The following NR3C2 variants were observed in gnomAD, a reference collection of about 807,000 sequenced individuals.
NR3C2 encodes the protein nuclear receptor subfamily 3 group C member 2.
A neutral mutation model predicts 86.4 loss-of-function variants in NR3C2; 15 were observed. The observed-to-expected ratio is 0.17, with a 90% CI of 0.12 to 0.27. NR3C2 has a LOEUF of 0.27. Ranked by LOEUF, NR3C2 falls within the 10% of genes least tolerant of loss-of-function variation. NR3C2 has a pLI of 1.00. For missense variants in NR3C2, 960 were observed against 1,195.6 expected (o/e 0.80, Z 2.91); for synonymous variants, 458 against 450.5 (o/e 1.02, Z -0.21).
chr4:148,360,002 C>G (rs1745761147), intron 2 of NR3C2, among the ~76,000 whole-genome samples: 1 of 152,040 alleles, frequency 6.6e-6, no homozygotes, highest in Non-Finnish European at 1.5e-5. Flanking sequence ...TTGTTTCCTT[C>G]TAAACAGGAA....
chr4:148,090,032 T>G (rs1730988547), intron 8 of NR3C2, among the ~76,000 whole-genome samples: 1 of 152,224 alleles, frequency 6.6e-6, no homozygotes, highest in Non-Finnish European at 1.5e-5. Context: ...TTTCTAGAAT[T>G]AAGCCTTGTT....
rs538671080 is a variant in NR3C2, at chr4:148,409,222, T to G, written c.1757+25882A>C. ...TGCATTCTCATTTATAAAAGCAAAC[T>G]ATTCTAAAAATTTTGTCAATATGAA... On this transcript the variant is annotated intron_variant, in intron 2 of 8. Transcript: ENST00000358102. Among the ~76,000 whole-genome samples the G allele has an allele frequency of 4.6e-5, 7 of 152,330 alleles. No homozygotes were observed. In the East Asian group the frequency reaches 1.2e-3, roughly 25 times the overall value.
chr4:148,341,455 G>A (rs1472268616), intron 2 of NR3C2, among the ~76,000 whole-genome samples: 2 of 152,102 alleles, frequency 1.3e-5, no homozygotes, highest in African/African-American at 4.8e-5. Flanking sequence ...GCTGAGAAGG[G>A]TAGGGAGAGG....
chr4:148,217,160 G>C (rs1404760067), intron 3 of NR3C2, among the ~76,000 whole-genome samples: 2 of 152,170 alleles, frequency 1.3e-5, no homozygotes, highest in African/African-American at 4.8e-5. Flanking sequence ...TGACTGCAAT[G>C]GGTTCCCCGT....
intron 7 of NR3C2, among the ~76,000 whole-genome samples, chr4:148,119,020 C>A (rs1421594481): frequency 6.6e-6 from 1 of 152,118 alleles, no homozygotes. Flanking sequence ...GCCAGAGAGA[C>A]CCTTATAAAG....
intron 4 of NR3C2, among the ~76,000 whole-genome samples, chr4:148,176,876 TATG>T (rs1392082957): frequency 6.6e-6 from 1 of 152,248 alleles, no homozygotes; most frequent in East Asian, 1.9e-4. Context: ...AAAATAATTA[TATG>T]ATAACAATAT....
chr4:148,339,127 G>C (rs1298063375), intron 2 of NR3C2, among the ~76,000 whole-genome samples: 1 of 152,160 alleles, frequency 6.6e-6, no homozygotes, highest in African/African-American at 2.4e-5. Context: ...AGCCTTTGGA[G>C]GTAGATGGGT....
chr4:148,386,651 T>G (rs955434938), intron 2 of NR3C2, among the ~76,000 whole-genome samples: 1 of 152,180 alleles, frequency 6.6e-6, no homozygotes, highest in Admixed American at 6.5e-5. Flanking sequence ...AGTCAGATAT[T>G]GGCAGATCTA....
At chr4:148,443,959 C>G, upstream of NR3C2, 1 of 980,024 alleles carries the variant, frequency 1.0e-6, no homozygotes, top group Non-Finnish European at 1.2e-6. Context: ...GGTCCTGACC[C>G]CAGACTCTAA....
At chr4:148,212,200 C>A (rs1737316933) in intron 3 of NR3C2, among the ~76,000 whole-genome samples, 2 of 152,226 alleles carry the variant, frequency 1.3e-5, no homozygotes, top group Non-Finnish European at 2.9e-5. Flanking sequence ...TAAAAGTATT[C>A]CCATTTCACA....
intron 8 of NR3C2, among the ~76,000 whole-genome samples, chr4:148,103,959 AC>A (rs1294738945): frequency 6.6e-6 from 1 of 152,008 alleles, no homozygotes; most frequent in African/African-American, 2.4e-5. Flanking sequence ...CCTATTTACC[AC>A]CCATTATTAA....
chr4:148,443,493 T>A (rs562489358), upstream of NR3C2, among the ~76,000 whole-genome samples: 9 of 152,292 alleles, frequency 5.9e-5, no homozygotes, highest in Non-Finnish European at 1.0e-4. Flanking sequence ...GGATCGGTTG[T>A]CTGCATGAAG....
At chr4:148,392,929 T>A (rs958548937) in intron 2 of NR3C2, among the ~76,000 whole-genome samples, 15 of 152,094 alleles carry the variant, frequency 9.9e-5, no homozygotes, top group Non-Finnish European at 1.3e-4. Context: ...TCTTCCATTT[T>A]TATATATATA....
intron 3 of NR3C2, among the ~76,000 whole-genome samples, chr4:148,243,266 C>T (rs1341625893): frequency 6.6e-6 from 1 of 152,048 alleles, no homozygotes; most frequent in Non-Finnish European, 1.5e-5. Flanking sequence ...TGGCCTCAGG[C>T]AATCCTCTCC....
At chr4:148,151,342 T>C (rs1408790652) in intron 6 of NR3C2, among the ~76,000 whole-genome samples, 36 of 152,208 alleles carry the variant, frequency 2.4e-4, no homozygotes, top group Admixed American at 2.4e-3. Context: ...GGGCTTACTA[T>C]TCAATAATAT....
chr4:148,265,386 G>C (rs1740329291), intron 2 of NR3C2, among the ~76,000 whole-genome samples: 1 of 151,952 alleles, frequency 6.6e-6, no homozygotes, highest in African/African-American at 2.4e-5. Flanking sequence ...AAGAAGCTAC[G>C]TAAGAAAAAA....
chr4:148,380,475 C>G (rs2126441186), intron 2 of NR3C2, among the ~76,000 whole-genome samples: 1 of 152,272 alleles, frequency 6.6e-6, no homozygotes, highest in East Asian at 1.9e-4. Context: ...CTTGCAATTG[C>G]TGGGTCACAT....
At chr4:148,395,052 T>G (rs1230363556) in intron 2 of NR3C2, among the ~76,000 whole-genome samples, 1 of 151,972 alleles carries the variant, frequency 6.6e-6, no homozygotes. Flanking sequence ...TTTAAAATGA[T>G]AGGTAACCAA....
chr4:148,137,414 T>C (rs185951651), intron 6 of NR3C2, among the ~76,000 whole-genome samples: 17 of 152,236 alleles, frequency 1.1e-4, no homozygotes, highest in African/African-American at 3.9e-4. Context: ...TAAAATGTAA[T>C]TGGTCTGTAA....
Sources: allele counts gnomAD v4.1 joint callset (sites outside exome capture counted in the v4.1 genomes callset), GRCh38; gene constraint gnomAD v4.1.1; transcripts MANE v1.5; gene names NCBI Gene and HGNC (gene_info 2026-07-23, HGNC 2026-07-21).